NRG1: variants seen among roughly 807,000 people sequenced by gnomAD.
NRG1 encodes pro-neuregulin-1, membrane-bound isoform.
Under a neutral mutation model 63.8 loss-of-function variants are expected in NRG1, and 18 were observed. That is an observed-to-expected ratio of 0.28 (90% CI 0.19 to 0.42). The LOEUF (loss-of-function observed/expected upper bound fraction) is 0.42. Among genes scored for constraint, NRG1 ranks in the 10% least tolerant of loss-of-function variants. NRG1 has a pLI of 1.00. For synonymous variants in NRG1, 302 were observed against 301.3 expected (o/e 1.00, Z -0.02); for missense variants, 762 against 814.7 (o/e 0.94, Z 0.79).
intron 1 of NRG1, among the ~76,000 whole-genome samples, chr8:32,567,406 GT>G (rs1285374430): frequency 6.6e-6 from 1 of 152,170 alleles, no homozygotes; most frequent in Non-Finnish European, 1.5e-5. Context: ...AAGAAACCAG[GT>G]TTTGCCAATG....
At chr8:31,931,052 C>T (rs1029649111) in intron 1 of NRG1, among the ~76,000 whole-genome samples, 5 of 152,082 alleles carry the variant, frequency 3.3e-5, no homozygotes, top group Admixed American at 6.5e-5. Flanking sequence ...GGATTCAATT[C>T]AGATAGAGGC....
At chr8:31,935,827 T>A (rs1185637742) in intron 1 of NRG1, among the ~76,000 whole-genome samples, 1 of 152,214 alleles carries the variant, frequency 6.6e-6, no homozygotes, top group South Asian at 2.1e-4. Flanking sequence ...TTTTCTCCTA[T>A]GTTGATCTAC....
At chr8:32,269,825 A>G (rs1488137549) in intron 1 of NRG1, among the ~76,000 whole-genome samples, 4 of 152,134 alleles carry the variant, frequency 2.6e-5, no homozygotes, top group African/African-American at 9.7e-5. Context: ...TTTGTAGAGA[A>G]CTTATTTCTC....
At chr8:32,330,228 A>G (rs1002648853) in intron 1 of NRG1, among the ~76,000 whole-genome samples, 6 of 151,988 alleles carry the variant, frequency 3.9e-5, no homozygotes, top group Non-Finnish European at 8.8e-5. Flanking sequence ...GTCCACCAAT[A>G]TTTTAGATGG....
intron 5 of NRG1, among the ~76,000 whole-genome samples, chr8:32,665,638 T>A (rs1323616642): frequency 6.6e-6 from 1 of 152,196 alleles, no homozygotes; most frequent in Non-Finnish European, 1.5e-5. Context: ...GTGCTTATTT[T>A]CAGTGTGTCA....
At chr8:32,209,308 A>G (rs1234957049) in intron 1 of NRG1, among the ~76,000 whole-genome samples, 1 of 152,154 alleles carries the variant, frequency 6.6e-6, no homozygotes, top group Non-Finnish European at 1.5e-5. Flanking sequence ...GTTTTATAAA[A>G]CCAAATTTTA....
chr8:31,676,160 G>T (rs2131028002), intron 1 of NRG1, among the ~76,000 whole-genome samples: 1 of 152,182 alleles, frequency 6.6e-6, no homozygotes, highest in Non-Finnish European at 1.5e-5. Context: ...GGTAAGATTA[G>T]TGGTGGGTCT....
intron 7 of NRG1, chr8:32,749,603 T>A: frequency 1.9e-6 from 3 of 1,613,062 alleles, no homozygotes; most frequent in Non-Finnish European, 2.5e-6. Flanking sequence ...CAATCATCAT[T>A]CCTTTTAGCC....
At chr8:32,154,035 G>A (rs1433780982) in intron 1 of NRG1, among the ~76,000 whole-genome samples, 1 of 152,160 alleles carries the variant, frequency 6.6e-6, no homozygotes, top group Non-Finnish European at 1.5e-5. Flanking sequence ...ATTCTTTGGT[G>A]AAGCTTTGTT....
At chr8:32,554,907 C>CT (rs1382376923) in intron 1 of NRG1, among the ~76,000 whole-genome samples, 1 of 113,432 alleles carries the variant, frequency 8.8e-6, no homozygotes, top group Non-Finnish European at 2.0e-5. Flanking sequence ...CCAAAGACTG[C>CT]TTTTTTCTTC....
intron 1 of NRG1, among the ~76,000 whole-genome samples, chr8:31,953,398 T>C (rs891022064): frequency 6.6e-6 from 1 of 152,176 alleles, no homozygotes; most frequent in Non-Finnish European, 1.5e-5. Context: ...TTTTACAATA[T>C]GTTTGGGGAG....
At chr8:32,168,021 T>G (rs1839584855) in intron 1 of NRG1, among the ~76,000 whole-genome samples, 1 of 152,088 alleles carries the variant, frequency 6.6e-6, no homozygotes, top group African/African-American at 2.4e-5. Flanking sequence ...GTAATTTCAT[T>G]TAGGGGAAAA....
chr8:31,956,053 A>C (rs1201690338), intron 1 of NRG1, among the ~76,000 whole-genome samples: 1 of 148,404 alleles, frequency 6.7e-6, no homozygotes, highest in Non-Finnish European at 1.5e-5. Context: ...AAAAAAAAAA[A>C]CAAAAAAACA....
intron 1 of NRG1, among the ~76,000 whole-genome samples, chr8:32,357,148 T>A (rs1353809844): frequency 6.6e-6 from 1 of 152,194 alleles, no homozygotes; most frequent in Non-Finnish European, 1.5e-5. Context: ...CTAGAGCAAC[T>A]GAGCCCCCAT....
chr8:32,584,607 A>G (rs549717843), intron 1 of NRG1, among the ~76,000 whole-genome samples: 3 of 152,238 alleles, frequency 2.0e-5, no homozygotes, highest in Non-Finnish European at 4.4e-5. Context: ...GTGGACAAAA[A>G]TGAAAAAATC....
chr8:32,027,414 CTCCTTCCTTCCT>C lies in NRG1; in HGVS notation c.37+388027_37+388038del, dbSNP rs774505431. On this transcript the variant is annotated intron_variant, in intron 1 of 10. Coordinates refer to the NRG1 transcript ENST00000519301. Reference sequence around the variant, plus strand: ...GTTTTTTATAAATTTCCTTCCTTCCCTCCTTCCTTCCTTCCTTCCTTCCTTCCTTCCTTCCTT... The same window carrying C: ...GTTTTTTATAAATTTCCTTCCTTCCCTCCTTCCTTCCTTCCTTCCTTCCTT... Among the ~76,000 whole-genome samples the C allele has an allele frequency of 1.7e-3, 193 of 114,122 alleles. 11 individuals are homozygous for C. Among genetic ancestry groups the C allele is most frequent in the African/African-American group, 5.9e-3 (139 of 23,558 alleles). The allele number at this position is 114,122 out of a possible 152,430, so 74.9% of individuals were successfully genotyped here.
At chr8:32,164,247 G>GA (rs112518796) in intron 1 of NRG1, among the ~76,000 whole-genome samples, 89,220 of 149,528 alleles carry the variant, frequency 0.6, 27,093 homozygotes, top group Admixed American at 0.68. Flanking sequence ...CCATCTGAAA[G>GA]AAAAAAAAAA....
intron 1 of NRG1, among the ~76,000 whole-genome samples, chr8:31,717,990 T>C (rs1258156519): frequency 1.3e-5 from 2 of 151,876 alleles, no homozygotes; most frequent in African/African-American, 4.8e-5. Flanking sequence ...TAATTCTATA[T>C]TCTAGTTTGG....
chr8:32,458,065 G>A (rs4733120), intron 1 of NRG1, among the ~76,000 whole-genome samples: 20,647 of 151,868 alleles, frequency 0.14, 1,619 homozygotes, highest in Admixed American at 0.25. Context: ...CTACAGGCAC[G>A]CACCACCACG....
Sources: gnomAD v4.1 joint callset for allele counts (sites outside exome capture counted in the v4.1 genomes callset) on GRCh38, gnomAD v4.1.1 for gene constraint, MANE v1.5 for transcripts, NCBI Gene and HGNC (gene_info 2026-07-23, HGNC 2026-07-21) for gene names.